The following POLR3B variants were observed in gnomAD, a reference collection of about 807,000 sequenced individuals.
The protein encoded by POLR3B is DNA-directed RNA polymerase III subunit RPC2.
A neutral mutation model predicts 147.4 loss-of-function variants in POLR3B; 96 were observed. That is an observed-to-expected ratio of 0.65 (90% CI 0.55 to 0.77). The LOEUF (loss-of-function observed/expected upper bound fraction) is 0.77, where lower values mean the gene tolerates loss of function less well. POLR3B is among the 30% of genes least tolerant of loss of function. POLR3B has a pLI of 0.00. For missense variants in POLR3B, 1,036 were observed against 1,413.5 expected, an observed-to-expected ratio of 0.73 and a Z score of 4.28; for synonymous variants, 461 against 485.9, an observed-to-expected ratio of 0.95 and a Z score of 0.67.
chr12:106,492,605 C>T (rs1476220956), intron 23 of POLR3B, among the ~76,000 whole-genome samples: 1 of 152,150 alleles, frequency 6.6e-6, no homozygotes, highest in East Asian at 1.9e-4. Context: ...TTTTCCTGAG[C>T]AAGCCTATTC....
chr12:106,432,343 C>T lies in POLR3B; in HGVS notation c.1490C>T (p.Ala497Val). ...GCATGTGGTTTGGTTAAAAACTTGG[C>T]CCTTATGACACACATCACAACTGAT... is the stretch of plus-strand genomic sequence containing the variant. ...GEACGLVKNL[A>V]LMTHITTDME... Residue 497 changes from alanine to valine, a missense_variant, in exon 15 of 28, where the codon GCC becomes GTC. Transcript: ENST00000228347. The T allele has an allele frequency of 6.2e-7, 1 of 1,613,646 alleles. No homozygotes were observed. The highest frequency in any genetic ancestry group is 8.5e-7 in the Non-Finnish European group (1 of 1,179,666).
chr12:106,378,834 C>T (rs968650683), intron 8 of POLR3B, among the ~76,000 whole-genome samples: 3 of 152,156 alleles, frequency 2.0e-5, no homozygotes, highest in African/African-American at 7.2e-5. Flanking sequence ...TTTTCTAGAC[C>T]AGCCTCTTTC....
At chr12:106,383,666 A>G (rs193279722) in intron 9 of POLR3B, among the ~76,000 whole-genome samples, 1 of 152,266 alleles carries the variant, frequency 6.6e-6, no homozygotes, top group African/African-American at 2.4e-5. Flanking sequence ...ACCCCAAAAC[A>G]GTTAAAATAG....
chr12:106,485,263 A>G (rs1391337274), intron 23 of POLR3B, among the ~76,000 whole-genome samples: 2 of 152,164 alleles, frequency 1.3e-5, no homozygotes, highest in Non-Finnish European at 2.9e-5. Context: ...GTCTGTAATA[A>G]TGGCATTAAT....
In POLR3B at chr12:106,430,089, A is replaced by G. The variant is rs77992326; in HGVS notation, c.1264-184A>G. Among the ~76,000 whole-genome samples, 1,677 of 152,306 alleles carry G rather than the reference A, an allele frequency of 0.011. 18 individuals carry two copies. Among genetic ancestry groups the G allele is most frequent in the Middle Eastern group, 0.02 (6 of 294 alleles). On this transcript the variant is annotated intron_variant, in intron 13 of 27. Transcript: ENST00000228347. ...AGTAATGTTCATTATCTTCCTAGAA[A>G]ACCCCAGCAAGTGACTTGACTAAAC...
At chr12:106,490,032 CG>C (rs1555217735) in intron 23 of POLR3B, among the ~76,000 whole-genome samples, 1 of 152,162 alleles carries the variant, frequency 6.6e-6, no homozygotes, top group Non-Finnish European at 1.5e-5. Flanking sequence ...AGGGTTTCTT[CG>C]TCCACACAGA....
chr12:106,401,246 T>C (rs1476164645), intron 10 of POLR3B, among the ~76,000 whole-genome samples: 5 of 152,172 alleles, frequency 3.3e-5, no homozygotes, highest in Non-Finnish European at 5.9e-5. Context: ...AACTCCTCGA[T>C]ACATACATCC....
At chr12:106,477,513 G>A (rs2038191128) in intron 23 of POLR3B, among the ~76,000 whole-genome samples, 1 of 150,442 alleles carries the variant, frequency 6.6e-6, no homozygotes, top group South Asian at 2.1e-4. Flanking sequence ...AGCAATCAGC[G>A]AGACTCCGTG....
At chr12:106,400,802 A>G (rs1051945506) in intron 10 of POLR3B, among the ~76,000 whole-genome samples, 2 of 152,212 alleles carry the variant, frequency 1.3e-5, no homozygotes, top group African/African-American at 4.8e-5. Flanking sequence ...AACATACCAG[A>G]ATCTCTGGGA....
rs751884871 is a variant in POLR3B at position 106,410,987 on chromosome 12, CTT to C, written c.1101+28_1101+29del. 14 of 1,599,900 alleles carry C rather than the reference CTT, an allele frequency of 8.8e-6. No individual in the cohort carries two copies. The African/African-American group carries it at 1.2e-4, about 14-fold the overall frequency. ...TGATTTAATATTTTATGTCAGAAAT[CTT>C]GTTTTCCTTAATGAAAATTAATTTG... On this transcript the variant is annotated intron_variant, in intron 12 of 27. Transcript: ENST00000228347.
chr12:106,471,458 T>C (rs934371673), intron 23 of POLR3B, among the ~76,000 whole-genome samples: 5 of 152,090 alleles, frequency 3.3e-5, no homozygotes, highest in Non-Finnish European at 7.4e-5. Flanking sequence ...CAGCTTGCCT[T>C]CCGTGAGGTG....
intron 23 of POLR3B, among the ~76,000 whole-genome samples, chr12:106,471,120 G>T (rs148631475): frequency 1.3e-5 from 2 of 152,096 alleles, no homozygotes; most frequent in South Asian, 4.1e-4. Context: ...CTTCCCTGCC[G>T]CTTTGTTTAC....
intron 23 of POLR3B, among the ~76,000 whole-genome samples, chr12:106,486,267 G>A (rs2374609): frequency 3.6e-5 from 5 of 138,020 alleles, no homozygotes; most frequent in Non-Finnish European, 7.6e-5. Flanking sequence ...CCAGCCTGGG[G>A]TCAGAGGGAG....
chr12:106,453,496 C>T (rs1325230052), intron 19 of POLR3B, among the ~76,000 whole-genome samples: 1 of 151,842 alleles, frequency 6.6e-6, no homozygotes, highest in Non-Finnish European at 1.5e-5. Flanking sequence ...ACTATGGAAG[C>T]GTGTGCAAGA....
chr12:106,367,044 A>G (rs1001338923), intron 4 of POLR3B, among the ~76,000 whole-genome samples: 2 of 152,212 alleles, frequency 1.3e-5, no homozygotes, highest in Non-Finnish European at 2.9e-5. Flanking sequence ...GGGAGATTTC[A>G]GTGAGCTGAG....
intron 18 of POLR3B, among the ~76,000 whole-genome samples, chr12:106,440,055 A>G (rs1322505731): frequency 2.6e-5 from 4 of 152,130 alleles, no homozygotes; most frequent in East Asian, 1.9e-4. Context: ...TGAGACCCTT[A>G]CTCAAAAAAA....
At chr12:106,477,890 CCTT>C (rs2038202373) in intron 23 of POLR3B, among the ~76,000 whole-genome samples, 2 of 72,228 alleles carry the variant, frequency 2.8e-5, no homozygotes, top group Non-Finnish European at 5.4e-5. Context: ...TGGCTCCTCC[CCTT>C]TTTTTTTTTT....
chr12:106,499,358 T>C (rs1334129080), intron 25 of POLR3B, among the ~76,000 whole-genome samples: 1 of 152,198 alleles, frequency 6.6e-6, no homozygotes, highest in African/African-American at 2.4e-5. Flanking sequence ...CAATGGTTAG[T>C]CTATATCCCA....
chr12:106,504,443 TCTA>T lies in POLR3B; in HGVS notation c.3272+192_3272+194del, dbSNP rs2038653918. On this transcript the variant is annotated intron_variant, in intron 27 of 27. Transcript: ENST00000228347. The surrounding 1 kb of genome is among the most constrained non-coding windows in gnomAD (Gnocchi z 4.6). The stretch of plus-strand genomic sequence containing the variant: ...CATGTCTCATTTGTCTACATCATGA[TCTA>T]CTTCCTACACAACTAGAGGCTAAGC... Among the ~76,000 whole-genome samples, 3 of 152,190 alleles carry T rather than the reference TCTA, an allele frequency of 2.0e-5. No individual in the cohort carries two copies. The South Asian group carries it at 6.2e-4, about 32-fold the overall frequency.
Sources: allele counts gnomAD v4.1 joint callset (sites outside exome capture counted in the v4.1 genomes callset), GRCh38; gene constraint gnomAD v4.1.1; non-coding constraint Gnocchi (gnomAD v3.1); transcripts MANE v1.5; gene names NCBI Gene and HGNC (gene_info 2026-07-23, HGNC 2026-07-21).